Variants in FRY observed in about 807,000 individuals in gnomAD.
The protein encoded by FRY is protein furry homolog.
FRY carries 128 observed loss-of-function variants against 348.4 expected under a neutral mutation model. That is an observed-to-expected ratio of 0.37 (90% CI 0.32 to 0.43). The LOEUF is 0.43. FRY is among the 20% of genes least tolerant of loss of function. FRY has a pLI of 1.00. For missense variants in FRY, 2,736 were observed against 3,695.2 expected (o/e 0.74, Z 6.73); for synonymous variants, 1,370 against 1,374.7 (o/e 1.00, Z 0.08).
chr13:32,176,370 T>C (rs1271167921), intron 20 of FRY, among the ~76,000 whole-genome samples: 1 of 152,208 alleles, frequency 6.6e-6, no homozygotes, highest in Non-Finnish European at 1.5e-5. Flanking sequence ...AGAATCCATG[T>C]TACTGATGTT....
At chr13:32,126,596 G>A (rs960883858) in intron 7 of FRY, among the ~76,000 whole-genome samples, 8 of 152,154 alleles carry the variant, frequency 5.3e-5, no homozygotes, top group East Asian at 3.9e-4. Context: ...CTAGTGAACC[G>A]TTTGGCCAGT....
intron 3 of FRY, among the ~76,000 whole-genome samples, chr13:32,107,789 G>T (rs1434280959): frequency 6.6e-6 from 1 of 152,212 alleles, no homozygotes; most frequent in Non-Finnish European, 1.5e-5. Context: ...CCTTCATGGA[G>T]CAGGCAGCAG....
chr13:32,153,998 G>C (rs204565), intron 14 of FRY, among the ~76,000 whole-genome samples: 108,680 of 152,112 alleles, frequency 0.71, 39,454 homozygotes, highest in East Asian at 0.98. Flanking sequence ...TCTGCCCTTA[G>C]TGTTGTCCCG....
intron 2 of FRY, among the ~76,000 whole-genome samples, chr13:32,094,078 G>A (rs968008616): frequency 5.3e-5 from 8 of 152,052 alleles, no homozygotes; most frequent in African/African-American, 1.9e-4. Context: ...TGCTAATTTT[G>A]CTTTACTACT....
At chr13:32,240,667 C>T (rs1886453984) in intron 46 of FRY, among the ~76,000 whole-genome samples, 1 of 152,184 alleles carries the variant, frequency 6.6e-6, no homozygotes, top group Non-Finnish European at 1.5e-5. Context: ...GTTTATTACA[C>T]AAGGTCATGA....
chr13:32,225,560 G>T (rs1234838112), intron 38 of FRY, among the ~76,000 whole-genome samples: 1 of 152,142 alleles, frequency 6.6e-6, no homozygotes, highest in East Asian at 1.9e-4. Context: ...CTACAGAGAG[G>T]TCAAGAAAAG....
intron 40 of FRY, among the ~76,000 whole-genome samples, chr13:32,228,964 G>C (rs944906289): frequency 2.9e-4 from 44 of 152,196 alleles, no homozygotes; most frequent in African/African-American, 1.1e-3. Flanking sequence ...CAGTGAGCAT[G>C]CCTTTAGCCA....
intron 7 of FRY, among the ~76,000 whole-genome samples, chr13:32,131,126 A>G (rs1480567799): frequency 1.3e-5 from 2 of 152,238 alleles, no homozygotes; most frequent in African/African-American, 4.8e-5. Flanking sequence ...TCCCATTACT[A>G]GATTTTTTAA....
intron 3 of FRY, among the ~76,000 whole-genome samples, chr13:32,115,863 G>A (rs1436969115): frequency 1.3e-5 from 2 of 151,600 alleles, no homozygotes; most frequent in Admixed American, 6.6e-5. Context: ...GTTTCCTTCT[G>A]GTCCTGTTTT....
chr13:32,254,343 T>A lies in FRY; in HGVS notation c.7365T>A (p.Phe2455Leu). The A allele has an allele frequency of 3.1e-6, 5 of 1,614,112 alleles. No individual in the cohort carries two copies. The highest frequency in any genetic ancestry group is 3.4e-6 in the Non-Finnish European group (4 of 1,180,008). Residue 2455 changes from phenylalanine to leucine, a missense_variant, in exon 51 of 61, where the codon TTT (phenylalanine) becomes TTA (leucine). Phe to Leu is a conservative substitution (Grantham distance 22, BLOSUM62 0). Transcript: ENST00000542859. The part of the protein sequence containing the change: ...NMDDTNSEQQ[F>L]RVFRDFDFLD... ...ATGACACAAACAGCGAGCAGCAGTT[T>A]AGAGTCTTCAGAGACTTCGACTTCC...
At chr13:32,289,191 C>T (rs1889215186) in intron 58 of FRY, among the ~76,000 whole-genome samples, 1 of 152,190 alleles carries the variant, frequency 6.6e-6, no homozygotes, top group African/African-American at 2.4e-5. Flanking sequence ...TAGGTTTACA[C>T]AAGCCCAGGC....
At chr13:32,134,104 T>C (rs1436515036) in intron 8 of FRY, among the ~76,000 whole-genome samples, 1 of 152,090 alleles carries the variant, frequency 6.6e-6, no homozygotes, top group African/African-American at 2.4e-5. Flanking sequence ...ATGAAAACAA[T>C]ACCTGATATA....
At chr13:32,138,089 A>G (rs1328062494) in intron 11 of FRY, among the ~76,000 whole-genome samples, 2 of 151,996 alleles carry the variant, frequency 1.3e-5, no homozygotes, top group African/African-American at 4.8e-5. Context: ...AGGGTTATCA[A>G]GTGTTACATA....
intron 2 of FRY, among the ~76,000 whole-genome samples, chr13:32,087,342 G>C (rs1406323318): frequency 6.6e-6 from 1 of 152,190 alleles, no homozygotes; most frequent in African/African-American, 2.4e-5. Context: ...ACATACCTTT[G>C]TTCCTTGGCC....
chr13:32,295,171 C>T, intron 60 of FRY, 31 bp from the exon 61 acceptor site: 11 of 1,610,700 alleles, frequency 6.8e-6, no homozygotes, highest in South Asian at 1.1e-5. Context: ...CTAATAGTGC[C>T]TCTAATCTGT....
chr13:32,062,653 C>A (rs1016990375), intron 1 of FRY, among the ~76,000 whole-genome samples: 1 of 152,014 alleles, frequency 6.6e-6, no homozygotes, highest in African/African-American at 2.4e-5. Flanking sequence ...GAGCTGGTAT[C>A]TAAATGAATA....
chr13:32,184,830 CTTT>C, intron 25 of FRY, 139 bp downstream of exon 25: 1 of 1,009,376 alleles, frequency 9.9e-7, no homozygotes, highest in South Asian at 1.4e-5. Context: ...CTCGCTTTTT[CTTT>C]TTTCATATTT....
At chr13:32,162,425 G>C (rs941475061) in intron 17 of FRY, among the ~76,000 whole-genome samples, 1 of 152,126 alleles carries the variant, frequency 6.6e-6, no homozygotes, top group African/African-American at 2.4e-5. Flanking sequence ...CTGAGGCTCT[G>C]AGTGTCCCTG....
intron 10 of FRY, among the ~76,000 whole-genome samples, chr13:32,135,737 C>G (rs943139396): frequency 6.6e-6 from 1 of 152,134 alleles, no homozygotes; most frequent in Non-Finnish European, 1.5e-5. Context: ...GTGAATAAAG[C>G]TTTGGTTTAT....
Sources: allele counts gnomAD v4.1 joint callset (sites outside exome capture counted in the v4.1 genomes callset), GRCh38; gene constraint gnomAD v4.1.1; transcripts MANE v1.5; gene names NCBI Gene and HGNC (gene_info 2026-07-23, HGNC 2026-07-21).